Variants in MTR observed in about 807,000 individuals in gnomAD.
MTR encodes methionine synthase.
MTR carries 84 observed loss-of-function variants against 154.8 expected under a neutral mutation model. That is an observed-to-expected ratio of 0.54 (90% CI 0.45 to 0.65). The LOEUF is 0.65. MTR is among the 30% of genes least tolerant of loss of function. The pLI is 0.00. For missense variants in MTR, 1,275 were observed against 1,570.2 expected, an observed-to-expected ratio of 0.81 and a Z score of 3.18; for synonymous variants, 554 against 553.9, an observed-to-expected ratio of 1.00 and a Z score of 0.00.
At chr1:236,805,296 G>A (rs1330794560) in intron 2 of MTR, among the ~76,000 whole-genome samples, 1 of 151,964 alleles carries the variant, frequency 6.6e-6, no homozygotes, top group East Asian at 1.9e-4. Flanking sequence ...GTTTCAGTAG[G>A]GATGTGATGC....
chr1:236,846,352 G>A (rs539825189), intron 15 of MTR, among the ~76,000 whole-genome samples: 10 of 152,004 alleles, frequency 6.6e-5, no homozygotes, highest in East Asian at 1.9e-4. Context: ...TTTTGATAAC[G>A]TGAAGTGTCT....
chr1:236,881,502 T>A (rs868087863), intron 25 of MTR, among the ~76,000 whole-genome samples: 8 of 152,046 alleles, frequency 5.3e-5, no homozygotes, highest in Middle Eastern at 3.4e-3. Context: ...ACCTGGAAAT[T>A]TAGTGTGGCA....
At chr1:236,818,805 T>A (rs539523281) in intron 8 of MTR, among the ~76,000 whole-genome samples, 1 of 152,366 alleles carries the variant, frequency 6.6e-6, no homozygotes, top group South Asian at 2.1e-4. Flanking sequence ...AATACTACTA[T>A]ATGTCCTGGA....
intron 5 of MTR, 73 bp from the exon 6 acceptor site, chr1:236,812,665 A>C: frequency 6.9e-6 from 8 of 1,160,858 alleles, no homozygotes; most frequent in South Asian, 6.1e-5. Flanking sequence ...TGCCAGACCT[A>C]CACTCGAGAT....
intron 22 of MTR, among the ~76,000 whole-genome samples, chr1:236,870,727 G>A (rs554417320): frequency 1.4e-4 from 21 of 152,314 alleles, no homozygotes; most frequent in African/African-American, 4.6e-4. Flanking sequence ...CTCCCTGACA[G>A]CTCCATTTGG....
intron 22 of MTR, among the ~76,000 whole-genome samples, chr1:236,868,222 C>T (rs906082487): frequency 3.9e-5 from 6 of 152,150 alleles, no homozygotes; most frequent in Non-Finnish European, 7.4e-5. Flanking sequence ...CAAGTCAAGA[C>T]CCTCTACCAG....
chr1:236,869,963 G>A (rs964243604), intron 22 of MTR, among the ~76,000 whole-genome samples: 7 of 152,144 alleles, frequency 4.6e-5, no homozygotes, highest in Non-Finnish European at 7.4e-5. Flanking sequence ...TCCATACATA[G>A]TACACTGTAA....
chr1:236,845,950 T>G (rs1345358992), intron 15 of MTR, among the ~76,000 whole-genome samples: 2 of 152,114 alleles, frequency 1.3e-5, no homozygotes, highest in Non-Finnish European at 2.9e-5. Flanking sequence ...AAAAAACAAC[T>G]CCCTCAAATG....
intron 13 of MTR, among the ~76,000 whole-genome samples, chr1:236,833,142 C>T (rs77140336): frequency 0.012 from 1,790 of 152,290 alleles, 24 homozygotes; most frequent in Non-Finnish European, 0.017. Flanking sequence ...CCAGGAGGCT[C>T]GCTTCTGACT....
At chr1:236,881,521 A>G (rs1302430589) in intron 25 of MTR, among the ~76,000 whole-genome samples, 4 of 152,004 alleles carry the variant, frequency 2.6e-5, no homozygotes, top group Non-Finnish European at 4.4e-5. Context: ...CAGAATTTCC[A>G]GGTAAGACGT....
chr1:236,815,645 T>C lies in MTR; in HGVS notation c.651T>C (p.Tyr217=), dbSNP rs779720162. The change falls in exon 7 of 33, where the codon TAT becomes TAC. Residue 217 remains tyrosine (Y), a synonymous_variant. Transcript: ENST00000366577. ...TCCAAAATCTTTTTGAGGAGAAATA[T>C]GCTCCCCGGCCTATCTTTGTAAGTT... is the stretch of plus-strand genomic sequence containing the variant. ...FALQNLFEEK[Y]APRPIFISGT... is the part of the protein sequence containing the mutation. 1.1e-5 allele frequency: 17 copies of C among 1,613,764 alleles called. No individual in the cohort carries two copies. The highest frequency in any genetic ancestry group is 4.4e-5 in the South Asian group (4 of 91,062).
chr1:236,833,026 C>CT (rs994103318), intron 13 of MTR, among the ~76,000 whole-genome samples: 30 of 152,110 alleles, frequency 2.0e-4, no homozygotes, highest in Non-Finnish European at 2.4e-4. Flanking sequence ...CACAGGGTGA[C>CT]TTTTTTTTGT....
intron 27 of MTR, among the ~76,000 whole-genome samples, chr1:236,886,746 G>A (rs1666031040): frequency 1.3e-5 from 2 of 152,190 alleles, no homozygotes; most frequent in African/African-American, 2.4e-5. Context: ...CTGTGCTTGC[G>A]TGGGTCCCCG....
intron 18 of MTR, among the ~76,000 whole-genome samples, chr1:236,858,024 A>G (rs1311312648): frequency 1.3e-5 from 2 of 152,172 alleles, no homozygotes; most frequent in African/African-American, 4.8e-5. Flanking sequence ...CTGGTGGTAA[A>G]GAGTTGATGG....
chr1:236,852,815 C>G, intron 17 of MTR, 133 bp from the exon 18 acceptor site: 1 of 1,177,512 alleles, frequency 8.5e-7, no homozygotes, highest in Non-Finnish European at 1.2e-6. Context: ...TATGCTGTAA[C>G]TACAAAGTTG....
intron 15 of MTR, among the ~76,000 whole-genome samples, chr1:236,838,830 G>A (rs1663059564): frequency 6.6e-6 from 1 of 152,118 alleles, no homozygotes; most frequent in African/African-American, 2.4e-5. Flanking sequence ...TTGTCATTGT[G>A]CCAACGTCAT....
At chr1:236,888,341 G>A (rs902206187) in intron 27 of MTR, among the ~76,000 whole-genome samples, 1 of 152,220 alleles carries the variant, frequency 6.6e-6, no homozygotes, top group African/African-American at 2.4e-5. Context: ...GCAGATGGCA[G>A]TGCTGCTCTA....
At chr1:236,823,165 G>T (rs957683050) in intron 8 of MTR, among the ~76,000 whole-genome samples, 17 of 152,166 alleles carry the variant, frequency 1.1e-4, no homozygotes, top group African/African-American at 3.6e-4. Context: ...CATGACTATG[G>T]TACTTTTGTA....
chr1:236,801,456 C>T (rs971813302), intron 1 of MTR, among the ~76,000 whole-genome samples: 1 of 152,176 alleles, frequency 6.6e-6, no homozygotes, highest in African/African-American at 2.4e-5. Flanking sequence ...ACCATTTAGC[C>T]CCAGTTCTCA....
Sources: allele counts gnomAD v4.1 joint callset (sites outside exome capture counted in the v4.1 genomes callset), GRCh38; gene constraint gnomAD v4.1.1; transcripts MANE v1.5; gene names NCBI Gene and HGNC (gene_info 2026-07-23, HGNC 2026-07-21).